Variants in PIK3C2G observed in about 807,000 individuals in gnomAD.
The protein encoded by PIK3C2G is phosphatidylinositol 3-kinase C2 domain-containing subunit gamma.
In PIK3C2G, 168 loss-of-function variants were observed where a neutral mutation model predicts 181.1. The observed-to-expected ratio is 0.93, with a 90% CI of 0.82 to 1.05. PIK3C2G has a LOEUF of 1.05. Ranked by LOEUF, PIK3C2G falls within the 50% of genes least tolerant of loss-of-function variation. PIK3C2G has a pLI of 0.00. For missense variants in PIK3C2G, 1,869 were observed against 1,732.8 expected, an observed-to-expected ratio of 1.08 and a Z score of -1.40; for synonymous variants, 573 against 592.2, an observed-to-expected ratio of 0.97 and a Z score of 0.47.
chr12:18,562,923 G>GT (rs749998712), intron 27 of PIK3C2G, 31 bp downstream of exon 27: 5 of 1,442,574 alleles, frequency 3.5e-6, no homozygotes, highest in African/African-American at 2.8e-5. Flanking sequence ...CTTGACTTAC[G>GT]TATCACTTGA....
intron 8 of PIK3C2G, among the ~76,000 whole-genome samples, chr12:18,333,281 A>ATTTG (rs753115349): frequency 1.3e-5 from 2 of 151,744 alleles, no homozygotes; most frequent in Admixed American, 1.3e-4. Context: ...CTATATTTTC[A>ATTTG]TTTGTTTGTT....
chr12:18,425,643 G>A (rs1252196017), intron 18 of PIK3C2G, among the ~76,000 whole-genome samples: 1 of 152,040 alleles, frequency 6.6e-6, no homozygotes, highest in Non-Finnish European at 1.5e-5. Context: ...GCCTGCCTTG[G>A]CCTCCCAAAG....
chr12:18,682,917 A>G, the PIK3C2G span, among the ~76,000 whole-genome samples: 1 of 152,042 alleles, frequency 6.6e-6, no homozygotes. Flanking sequence ...TTGCCAATGT[A>G]TATTTTATAA....
At chr12:18,631,925 C>A (rs943754755) in intron 31 of PIK3C2G, among the ~76,000 whole-genome samples, 1 of 152,274 alleles carries the variant, frequency 6.6e-6, no homozygotes, top group African/African-American at 2.4e-5. Flanking sequence ...TCCTAGGGAT[C>A]AACTAGAGAT....
rs1185232627 is a variant in PIK3C2G, at chr12:18,598,736, C to T, written c.4087+4167C>T. ...AACCTACAAAATGGGAGAAAATTTT[C>T]GCAACCTACTCATCTGACAAAGGGC... is the stretch of plus-strand genomic sequence containing the variant. On this transcript the variant is annotated intron_variant, in intron 30 of 32. Transcript: ENST00000538779. Among the ~76,000 whole-genome samples, 556 of 147,268 alleles carry T rather than the reference C, an allele frequency of 3.8e-3. 5 individuals carry two copies. The highest frequency in any genetic ancestry group is 0.013 in the African/African-American group (513 of 40,782).
intron 31 of PIK3C2G, among the ~76,000 whole-genome samples, chr12:18,630,956 C>T (rs1047715857): frequency 1.3e-5 from 2 of 151,642 alleles, no homozygotes; most frequent in African/African-American, 4.8e-5. Context: ...AGTGTTAAGT[C>T]TTTGTGAAGG....
At chr12:18,537,033 T>A (rs1943893447) in intron 24 of PIK3C2G, among the ~76,000 whole-genome samples, 1 of 152,046 alleles carries the variant, frequency 6.6e-6, no homozygotes, top group African/African-American at 2.4e-5. Context: ...AGTGTTTGTT[T>A]TATTTTAAAG....
chr12:18,473,642 A>G (rs1938674693), intron 18 of PIK3C2G, among the ~76,000 whole-genome samples: 1 of 152,194 alleles, frequency 6.6e-6, no homozygotes, highest in Admixed American at 6.6e-5. Flanking sequence ...GATGTTAGTA[A>G]GAGTAATGTT....
the PIK3C2G span, among the ~76,000 whole-genome samples, chr12:18,669,399 T>C: frequency 6.6e-6 from 1 of 152,218 alleles, no homozygotes; most frequent in African/African-American, 2.4e-5. Context: ...GTGGTAAGGA[T>C]AATTATCCTC....
chr12:18,386,003 ACTGT>A (rs1317262851), intron 14 of PIK3C2G, among the ~76,000 whole-genome samples: 1 of 151,948 alleles, frequency 6.6e-6, no homozygotes, highest in Non-Finnish European at 1.5e-5. Flanking sequence ...TCTTCTTGGC[ACTGT>A]CTGTCTCTTC....
intron 13 of PIK3C2G, 125 bp from the exon 14 acceptor site, chr12:18,381,641 G>A (rs978392929): frequency 9.2e-5 from 54 of 584,148 alleles, no homozygotes; most frequent in African/African-American, 8.1e-4. Flanking sequence ...TTCTTTTCTA[G>A]CAACTGAATA....
intron 31 of PIK3C2G, among the ~76,000 whole-genome samples, chr12:18,618,296 A>G (rs997908317): frequency 6.6e-6 from 1 of 152,162 alleles, no homozygotes; most frequent in Non-Finnish European, 1.5e-5. Context: ...CCCCGATAAA[A>G]GACAGAAGGG....
intron 8 of PIK3C2G, among the ~76,000 whole-genome samples, chr12:18,336,419 T>C (rs1184865189): frequency 6.6e-6 from 1 of 152,154 alleles, no homozygotes; most frequent in African/African-American, 2.4e-5. Flanking sequence ...AGTGAGATTG[T>C]TGTCTTTTGG....
chr12:18,666,979 T>C, the PIK3C2G span, among the ~76,000 whole-genome samples: 1 of 152,196 alleles, frequency 6.6e-6, no homozygotes, highest in African/African-American at 2.4e-5. Context: ...GCAGAGAAAG[T>C]AGCAATCATG....
chr12:18,452,926 GA>G (rs1947443877), intron 18 of PIK3C2G, among the ~76,000 whole-genome samples: 1 of 152,288 alleles, frequency 6.6e-6, no homozygotes, highest in African/African-American at 2.4e-5. Flanking sequence ...TGTGGTCCGA[GA>G]GACTGTTTGT....
chr12:18,407,562 G>T (rs1013498292), intron 16 of PIK3C2G, among the ~76,000 whole-genome samples: 8 of 152,060 alleles, frequency 5.3e-5, no homozygotes, highest in African/African-American at 1.9e-4. Flanking sequence ...TTTATTCATG[G>T]TCTTGCAATC....
At chr12:18,267,873 T>G (rs1320198854) in intron 1 of PIK3C2G, among the ~76,000 whole-genome samples, 1 of 152,186 alleles carries the variant, frequency 6.6e-6, no homozygotes, top group Non-Finnish European at 1.5e-5. Context: ...CGTTCCTACA[T>G]AAGGCAAAAC....
intron 19 of PIK3C2G, among the ~76,000 whole-genome samples, chr12:18,491,115 A>C (rs1940528310): frequency 6.6e-6 from 1 of 152,212 alleles, no homozygotes; most frequent in African/African-American, 2.4e-5. Flanking sequence ...TACATAAAGC[A>C]GGGTTTCCAA....
At chr12:18,677,199 C>G in the PIK3C2G span, among the ~76,000 whole-genome samples, 1 of 152,056 alleles carries the variant, frequency 6.6e-6, no homozygotes, top group Admixed American at 6.6e-5. Flanking sequence ...GGCTGCTTGC[C>G]ACAATATGAT....
Sources: gnomAD v4.1 joint callset for allele counts (sites outside exome capture counted in the v4.1 genomes callset) on GRCh38, gnomAD v4.1.1 for gene constraint, MANE v1.5 for transcripts, NCBI Gene and HGNC (gene_info 2026-07-23, HGNC 2026-07-21) for gene names.